Variants in BMPR1B observed in about 807,000 individuals in gnomAD.
BMPR1B encodes the protein bone morphogenetic protein receptor type-1B.
A neutral mutation model predicts 59.1 loss-of-function variants in BMPR1B; 12 were observed. The observed-to-expected ratio is 0.20, with a 90% CI of 0.13 to 0.33. The LOEUF is 0.33. BMPR1B is among the 10% of genes least tolerant of loss of function. The pLI is 1.00. For synonymous variants in BMPR1B, 237 were observed against 207.3 expected, an observed-to-expected ratio of 1.14 and a Z score of -1.23; for missense variants, 550 against 610.9, an observed-to-expected ratio of 0.90 and a Z score of 1.05.
intron 1 of BMPR1B, among the ~76,000 whole-genome samples, chr4:94,788,158 C>T (rs1210248276): frequency 6.6e-6 from 1 of 152,152 alleles, no homozygotes; most frequent in Non-Finnish European, 1.5e-5. Context: ...GGTCCTGATT[C>T]ATGGAGGATG....
chr4:94,819,568 C>T (rs1388277895), intron 1 of BMPR1B, among the ~76,000 whole-genome samples: 2 of 152,168 alleles, frequency 1.3e-5, no homozygotes, highest in South Asian at 4.1e-4. Flanking sequence ...CTAGTCACAC[C>T]ACTTAAACAG....
Position 95,123,816 on chromosome 4 carries a change from T to G in BMPR1B, c.356T>G (p.Val119Gly), listed in dbSNP as rs541202129. Residue 119 changes from valine (V) to glycine (G), a missense_variant, in exon 7 of 13, where the codon GTT becomes GGT. By Grantham distance (109) the Val-to-Gly change is moderately radical. Transcript: ENST00000515059. ...TTTTTCTTTTTAATTTCAGATTTTG[T>G]TGATGGACCTATACACCACAGGGCT... is the stretch of plus-strand genomic sequence containing the variant. ...TLPPLKNRDF[V>G]DGPIHHRALL... The G allele has an allele frequency of 6.2e-7, 1 of 1,606,964 alleles. No homozygotes were observed. The highest frequency in any genetic ancestry group is 1.1e-5 in the South Asian group (1 of 90,520).
chr4:94,898,056 C>T (rs1422827823), intron 2 of BMPR1B, among the ~76,000 whole-genome samples: 1 of 150,742 alleles, frequency 6.6e-6, no homozygotes, highest in Non-Finnish European at 1.5e-5. Context: ...AAGGGACCCT[C>T]CTACCTCAGC....
intron 3 of BMPR1B, among the ~76,000 whole-genome samples, chr4:95,090,385 A>G (rs552682904): frequency 4.1e-4 from 63 of 152,008 alleles, no homozygotes; most frequent in African/African-American, 1.5e-3. Context: ...GTTTTTAACC[A>G]TCTGCTGTTA....
At chr4:94,797,657 C>A (rs867806921) in intron 1 of BMPR1B, among the ~76,000 whole-genome samples, 1 of 152,162 alleles carries the variant, frequency 6.6e-6, no homozygotes, top group African/African-American at 2.4e-5. Flanking sequence ...TAACAAGGCT[C>A]CCCTGATGGG....
At chr4:95,060,111 T>C (rs1221505541) in intron 3 of BMPR1B, among the ~76,000 whole-genome samples, 1 of 152,178 alleles carries the variant, frequency 6.6e-6, no homozygotes, top group Non-Finnish European at 1.5e-5. Flanking sequence ...ATTTCCTGTA[T>C]CAGAATCACT....
intron 1 of BMPR1B, among the ~76,000 whole-genome samples, chr4:94,801,362 A>G (rs542237617): frequency 1.2e-3 from 181 of 152,278 alleles, no homozygotes; most frequent in African/African-American, 4.2e-3. Flanking sequence ...CATTTGATCA[A>G]TGCCTTAGTA....
rs1464100342 is a variant in BMPR1B at position 94,933,892 on chromosome 4, A to G, written c.-113+57992A>G. ...TGACCTCACTGAACAAAAGAAAACG[A>G]AAAGTTTAAGAGAAAAGAAAATGCC... On this transcript the variant is annotated intron_variant, in intron 2 of 12. Transcript: ENST00000515059. 1.4e-4 allele frequency among the ~76,000 whole-genome samples: 21 copies of G among 152,160 alleles called. 1 individual carries two copies. The highest frequency in any genetic ancestry group is 1.4e-3 in the Admixed American group (21 of 15,266).
At chr4:94,941,868 G>A (rs947592635) in intron 2 of BMPR1B, among the ~76,000 whole-genome samples, 12 of 152,174 alleles carry the variant, frequency 7.9e-5, no homozygotes, top group East Asian at 5.8e-4. Context: ...GTTGTTTTGC[G>A]TCTCAGACAT....
intron 2 of BMPR1B, among the ~76,000 whole-genome samples, chr4:94,947,697 C>T (rs1265125241): frequency 9.2e-5 from 14 of 152,144 alleles, no homozygotes; most frequent in South Asian, 2.1e-4. Context: ...CTGCTGGGCA[C>T]GTAGTCAGTG....
rs1426672160 is a variant in BMPR1B at position 95,148,832 on chromosome 4, G to T, written c.1161G>T (p.Leu387Phe). ...YMPPEVLDESLNRNHFQSYIM... is the reference protein window; with the variant it reads ...YMPPEVLDESFNRNHFQSYIM... ...CTCCAGAAGTGTTGGACGAGAGCTT[G>T]AACAGAAATCACTTCCAGTCTTACA... Residue 387 changes from leucine to phenylalanine, a missense_variant, in exon 11 of 13, where the codon TTG becomes TTT. Physicochemically the swap from Leu to Phe is conservative, Grantham distance 22 (BLOSUM62 0). This residue lies in a region of BMPR1B where 123 missense variants were observed against 164.6 expected (regional missense o/e 0.75). Transcript: ENST00000515059. 1 of 1,614,022 alleles carries T rather than the reference G, an allele frequency of 6.2e-7. No individual in the cohort carries two copies. The highest frequency in any genetic ancestry group is 8.5e-7 in the Non-Finnish European group (1 of 1,179,942).
At chr4:94,820,757 TTA>T (rs1157019345) in intron 1 of BMPR1B, among the ~76,000 whole-genome samples, 3 of 152,224 alleles carry the variant, frequency 2.0e-5, no homozygotes, top group Non-Finnish European at 4.4e-5. Context: ...TGTAGACACT[TTA>T]TACTAAAAAC....
intron 1 of BMPR1B, among the ~76,000 whole-genome samples, chr4:94,794,224 G>T (rs1723095639): frequency 7.2e-6 from 1 of 139,696 alleles, no homozygotes; most frequent in East Asian, 2.0e-4. Context: ...TCCAGTTTCA[G>T]CTTTCTACAT....
chr4:95,064,353 G>GGGAGCGTTA (rs1246545693), intron 3 of BMPR1B, among the ~76,000 whole-genome samples: 1 of 152,112 alleles, frequency 6.6e-6, no homozygotes, highest in Non-Finnish European at 1.5e-5. Flanking sequence ...TCAGATCAGT[G>GGGAGCGTTA]GGAGCGTTAG....
At chr4:94,900,167 C>A (rs1727755865) in intron 2 of BMPR1B, among the ~76,000 whole-genome samples, 1 of 151,192 alleles carries the variant, frequency 6.6e-6, no homozygotes, top group African/African-American at 2.4e-5. Flanking sequence ...CATAACATTC[C>A]ATGCTGAGTG....
At chr4:95,069,279 C>G (rs547606351) in intron 3 of BMPR1B, among the ~76,000 whole-genome samples, 29 of 152,302 alleles carry the variant, frequency 1.9e-4, no homozygotes, top group African/African-American at 6.7e-4. Context: ...TCTCTATAGT[C>G]TATTCTTAGC....
chr4:95,102,609 T>C (rs938572621), intron 3 of BMPR1B, among the ~76,000 whole-genome samples: 5 of 152,144 alleles, frequency 3.3e-5, no homozygotes, highest in African/African-American at 1.2e-4. Flanking sequence ...GAGCTTACCA[T>C]GACAGGGTGA....
At chr4:94,848,774 G>T (rs1440164688) in intron 1 of BMPR1B, among the ~76,000 whole-genome samples, 1 of 152,110 alleles carries the variant, frequency 6.6e-6, no homozygotes, top group African/African-American at 2.4e-5. Context: ...GGCTAGAATG[G>T]CAGGGGTGGA....
At chr4:94,839,936 G>A (rs898613165) in intron 1 of BMPR1B, among the ~76,000 whole-genome samples, 2 of 151,880 alleles carry the variant, frequency 1.3e-5, no homozygotes, top group Non-Finnish European at 2.9e-5. Context: ...TCCTTCAGGA[G>A]CTCTTTTAGG....
Sources: gnomAD v4.1 joint callset for allele counts (sites outside exome capture counted in the v4.1 genomes callset) on GRCh38, gnomAD v4.1.1 for gene constraint, gnomAD v4.1.1 regional missense constraint, MANE v1.5 for transcripts, NCBI Gene and HGNC (gene_info 2026-07-23, HGNC 2026-07-21) for gene names.